ADGRG2: variants seen among roughly 807,000 people sequenced by gnomAD.
ADGRG2 encodes adhesion G protein-coupled receptor G2.
In ADGRG2, 26 loss-of-function variants were observed where a neutral mutation model predicts 74.1. The ratio of observed to expected loss-of-function variants is 0.35; its 90% CI spans 0.26 to 0.49. The LOEUF is 0.49. Among genes scored for constraint, ADGRG2 ranks in the 20% least tolerant of loss-of-function variants. The probability of loss-of-function intolerance (pLI) is 0.99; values close to 1 mark genes in which losing one functional copy is unlikely to be tolerated. For missense variants in ADGRG2, 619 were observed against 763.1 expected, an observed-to-expected ratio of 0.81 and a Z score of 2.22; for synonymous variants, 296 against 295.2, an observed-to-expected ratio of 1.00 and a Z score of -0.03.
intron 1 of ADGRG2, among the ~76,000 whole-genome samples, chrX:19,108,488 C>T (rs2062356306): frequency 8.9e-6 from 1 of 112,218 alleles, no homozygotes; most frequent in Non-Finnish European, 1.9e-5. Flanking sequence ...TCACCCACAG[C>T]ACCACTCATA....
At chrX:19,019,127 A>C (rs189524619) in intron 15 of ADGRG2, among the ~76,000 whole-genome samples, 67 of 112,184 alleles carry the variant, frequency 6.0e-4, no homozygotes, top group Non-Finnish European at 1.1e-3. Flanking sequence ...TTACAGGCGT[A>C]AGCCACCGTG....
chrX:19,087,954 A>G (rs1053879136), intron 1 of ADGRG2, among the ~76,000 whole-genome samples: 1 of 110,413 alleles, frequency 9.1e-6, no homozygotes, highest in African/African-American at 3.3e-5. Context: ...GTTGCTGGTC[A>G]CCTCTGCCCA....
chrX:19,038,001 A>C (rs2060978510), intron 4 of ADGRG2, among the ~76,000 whole-genome samples: 1 of 112,544 alleles, frequency 8.9e-6, no homozygotes, highest in Admixed American at 9.4e-5. Context: ...TACAATCATG[A>C]AATATATTGG....
At chrX:19,049,438 G>GGTTTTTTTTT (rs1555901661) in intron 3 of ADGRG2, among the ~76,000 whole-genome samples, 1 of 82,164 alleles carries the variant, frequency 1.2e-5, no homozygotes, top group African/African-American at 5.7e-5. Flanking sequence ...CGTTTTTTGT[G>GGTTTTTTTTT]TTTTTTTTTT....
rs756536174 is a variant in ADGRG2 at position 19,055,021 on chromosome X, T to A, written c.118+13696A>T. 1.0e-3 allele frequency among the ~76,000 whole-genome samples: 115 copies of A among 111,793 alleles called. 4 individuals carry two copies. Among genetic ancestry groups the A allele is most frequent in the Middle Eastern group, 4.6e-3 (1 of 216 alleles). On this transcript the variant is annotated intron_variant, in intron 3 of 28. Transcript: ENST00000379869. ...ATACTGCCAAGGTCAAAAGCAACAA[T>A]AAGCGACGTGGGGCTCAGTCTGTTC...
At chrX:19,048,403 C>G (rs1453611882) in intron 3 of ADGRG2, among the ~76,000 whole-genome samples, 1 of 111,450 alleles carries the variant, frequency 9.0e-6, no homozygotes, top group Non-Finnish European at 1.9e-5. Flanking sequence ...GTACGTTATC[C>G]CCATTTCACA....
At chrX:19,056,208 C>T (rs1326570236) in intron 3 of ADGRG2, among the ~76,000 whole-genome samples, 1 of 111,707 alleles carries the variant, frequency 9.0e-6, no homozygotes, top group Non-Finnish European at 1.9e-5. Context: ...CCAGTCTCTG[C>T]CACATCAGAT....
chrX:19,027,618 C>T (rs186930085), intron 10 of ADGRG2, among the ~76,000 whole-genome samples: 1 of 112,389 alleles, frequency 8.9e-6, no homozygotes, highest in African/African-American at 3.2e-5. Context: ...ATTCTTGTCA[C>T]GAAAGGTCCC....
chrX:19,004,960 ATCCATTCATAG>A (rs1464024917), intron 22 of ADGRG2, 81 bp from the exon 23 acceptor site: 20 of 767,305 alleles, frequency 2.6e-5, no homozygotes, highest in Non-Finnish European at 3.8e-5. Flanking sequence ...TATTCTAGGG[ATCCATTCATAG>A]TCTATTCAAC....
chrX:19,095,323 A>G (rs993055341), intron 1 of ADGRG2, among the ~76,000 whole-genome samples: 5 of 111,219 alleles, frequency 4.5e-5, no homozygotes, highest in Non-Finnish European at 9.4e-5. Context: ...TTGCCACTGT[A>G]CCCCAAAGCC....
intron 3 of ADGRG2, 105 bp from the exon 4 acceptor site, chrX:19,040,329 T>G (rs2061032450): frequency 6.0e-6 from 3 of 498,250 alleles, no homozygotes; most frequent in Non-Finnish European, 1.0e-5. Flanking sequence ...TTTCAGCTAC[T>G]CATGTCACTA....
intron 3 of ADGRG2, among the ~76,000 whole-genome samples, chrX:19,061,720 G>T (rs995215746): frequency 8.0e-5 from 9 of 112,008 alleles, no homozygotes; most frequent in African/African-American, 2.9e-4. Flanking sequence ...CTCTAAAATG[G>T]TCTCTAGTTA....
intron 15 of ADGRG2, among the ~76,000 whole-genome samples, chrX:19,018,601 A>T (rs1261672336): frequency 9.0e-6 from 1 of 111,630 alleles, no homozygotes; most frequent in Non-Finnish European, 1.9e-5. Context: ...TTGGTCACCC[A>T]GTGTTAACAT....
intron 3 of ADGRG2, among the ~76,000 whole-genome samples, chrX:19,059,540 T>C (rs988056212): frequency 9.0e-6 from 1 of 111,050 alleles, no homozygotes. Context: ...GAGTGTCCAG[T>C]TGTGTTGCTG....
At chrX:19,037,546 C>CAT (rs1197547840) in intron 5 of ADGRG2, 43 bp downstream of exon 5, 1 of 1,142,704 alleles carries the variant, frequency 8.8e-7, no homozygotes, top group Non-Finnish European at 1.2e-6. Flanking sequence ...AAAACTTTAA[C>CAT]AAATTGGACT....
Position 19,021,421 on chromosome X carries a change from T to C in ADGRG2, c.549-223A>G, listed in dbSNP as rs2060587035. On this transcript the variant is annotated intron_variant, in intron 13 of 28. Coordinates refer to ENST00000379869, the MANE Select transcript of ADGRG2 (RefSeq NM_001079858.3). ...TTATGGAGGTTCACATTCACAGAGG[T>C]TGCAAACCAGAGACTCTCTGACCAC... 1.8e-5 allele frequency: 8 copies of C among 438,782 alleles called. No homozygotes were observed. In the East Asian group the frequency reaches 3.7e-4, roughly 20 times the overall value. 36.2% of individuals were successfully genotyped at this position (438,782 alleles called of 1,213,427 possible).
rs756215573 is a variant in ADGRG2, at chrX:18,995,076, A to T, written c.2717-28T>A. 7 of 1,126,904 alleles carry T rather than the reference A, an allele frequency of 6.2e-6. No individual in the cohort carries two copies. In the Admixed American group the frequency reaches 1.7e-4, roughly 27 times the overall value. The allele number at this position is 1,126,904 out of a possible 1,213,427, so 92.9% of individuals were successfully genotyped here. A position where few individuals can be genotyped will look rare whatever the true frequency, so the allele number is the denominator to read the frequency against. On this transcript the variant is annotated intron_variant, in intron 27 of 28. Transcript: ENST00000379869. ...ACAGCAGAATAAGCATTACAGAAAA[A>T]CAGGGCAGTATGTTGAAGCTCAAAC...
chrX:19,085,854 G>T (rs1447236839), intron 1 of ADGRG2, among the ~76,000 whole-genome samples: 1 of 111,003 alleles, frequency 9.0e-6, no homozygotes, highest in Non-Finnish European at 1.9e-5. Context: ...CAGTGGGTGG[G>T]GAATGGGACG....
intron 3 of ADGRG2, among the ~76,000 whole-genome samples, chrX:19,060,708 C>T (rs750239064): frequency 9.1e-6 from 1 of 110,145 alleles, no homozygotes; most frequent in South Asian, 4.0e-4. Flanking sequence ...CCACCACACT[C>T]GGCTAATTTT....
Sources: allele counts gnomAD v4.1 joint callset (sites outside exome capture counted in the v4.1 genomes callset), GRCh38; gene constraint gnomAD v4.1.1; transcripts MANE v1.5; gene names NCBI Gene and HGNC (gene_info 2026-07-23, HGNC 2026-07-21).